The following WNK2 variants were observed in gnomAD, a reference collection of about 807,000 sequenced individuals.
WNK2 encodes WNK lysine deficient protein kinase 2.
A neutral mutation model predicts 192.1 loss-of-function variants in WNK2; 67 were observed. That is an observed-to-expected ratio of 0.35 (90% CI 0.29 to 0.43). The LOEUF is 0.43. WNK2 is among the 20% of genes least tolerant of loss of function. WNK2 has a pLI of 1.00. For synonymous variants in WNK2, 1,439 were observed against 1,393.9 expected, an observed-to-expected ratio of 1.03 and a Z score of -0.72; for missense variants, 2,698 against 3,089.7, an observed-to-expected ratio of 0.87 and a Z score of 3.01.
rs748583132 is a variant in WNK2 at position 93,247,710 on chromosome 9, C to T, written c.1710C>T (p.Pro570=). The part of the protein sequence containing the change: ...SPDKARGPPV[P]LQVQVTYHAQ... ...ACAAGGCCAGGGGTCCGCCGGTGCC[C>T]CTGCAGGTCCAGGTGACCTACCATG... is the stretch of plus-strand genomic sequence containing the variant. Residue 570 remains proline (P), a synonymous_variant, in exon 8 of 30, where the codon CCC becomes CCT. Transcript: ENST00000427277. The surrounding 1 kb of genome is among the most constrained non-coding windows in gnomAD (Gnocchi z 5.2). 41 of 1,562,150 alleles carry T rather than the reference C, an allele frequency of 2.6e-5. No homozygotes were observed. In the South Asian group the frequency reaches 4.1e-4, roughly 16 times the overall value.
At chr9:93,245,917 A>T (rs971632569) in intron 7 of WNK2, among the ~76,000 whole-genome samples, 1 of 152,172 alleles carries the variant, frequency 6.6e-6, no homozygotes, top group South Asian at 2.1e-4. Flanking sequence ...GGGCCTCTGC[A>T]TAGGGTCATT....
intron 19 of WNK2, 75 bp downstream of exon 19, chr9:93,268,821 G>A: frequency 6.3e-7 from 1 of 1,580,020 alleles, no homozygotes; most frequent in Non-Finnish European, 8.6e-7. Context: ...GACCCAGCCG[G>A]TATGTGCCCC....
At chr9:93,224,547 C>T (rs939954152) in intron 2 of WNK2, among the ~76,000 whole-genome samples, 2 of 152,244 alleles carry the variant, frequency 1.3e-5, no homozygotes, top group Non-Finnish European at 2.9e-5. Flanking sequence ...CCTTGAGGGG[C>T]TTTGCTGCCC....
In WNK2 at chr9:93,263,485, TC is replaced by T. The variant is rs1035377007; in HGVS notation, c.3411-79del. ...TTGGGCCCTGGAGACTCCAGACTGT[TC>T]CAGATAAGCTGACTTTCCCCGCCAT... is the stretch of plus-strand genomic sequence containing the variant. On this transcript the variant is annotated intron_variant, in intron 14 of 29. Transcript: ENST00000427277. 4.9e-5 allele frequency: 76 copies of T among 1,540,784 alleles called. No individual in the cohort carries two copies. The African/African-American group carries it at 9.1e-4, about 19-fold the overall frequency.
intron 2 of WNK2, among the ~76,000 whole-genome samples, chr9:93,227,667 T>TAATAACTTAAATAAATAACCAAAA (rs1167586333): frequency 3.3e-5 from 5 of 152,162 alleles, no homozygotes; most frequent in Non-Finnish European, 5.9e-5. Context: ...TTGACTTAAA[T>TAATAACTTAAATAAATAACCAAAA]AAATAACCAT....
intron 2 of WNK2, among the ~76,000 whole-genome samples, chr9:93,189,560 C>T (rs1480769429): frequency 6.6e-6 from 1 of 152,248 alleles, no homozygotes; most frequent in Non-Finnish European, 1.5e-5. Context: ...GTCCATCTTC[C>T]TGGGTCTGGG....
chr9:93,317,888 C>A, intron 29 of WNK2: 1 of 1,575,610 alleles, frequency 6.3e-7, no homozygotes. Context: ...GCCCTCGGAA[C>A]CGCCCGGAGA....
chr9:93,202,047 A>AG (rs1832465812), intron 2 of WNK2, among the ~76,000 whole-genome samples: 1 of 152,168 alleles, frequency 6.6e-6, no homozygotes, highest in Admixed American at 6.5e-5. Flanking sequence ...TGGAGGTCAC[A>AG]GGGGGGTCTC....
In WNK2 at chr9:93,231,303, C is replaced by T. The variant is rs559107372; in HGVS notation, c.1075+195C>T. Among the ~76,000 whole-genome samples, 16 of 152,350 alleles carry T rather than the reference C, an allele frequency of 1.1e-4. No homozygotes were observed. The South Asian group carries it at 2.7e-3, about 26-fold the overall frequency. On this transcript the variant is annotated intron_variant, in intron 4 of 29. Transcript: ENST00000427277. ...TTGTAGCTCAGCTGGAGGGCCTGCC[C>T]ACTCGTTGGATTCCCAGACCACTTG...
rs532456467 is a variant in WNK2 at position 93,242,801 on chromosome 9, A to T, written c.1542+2825A>T. ...TCCTGGGGCAGCTGTGCTGGCTCTGACCTTGCAGGGAGTTACCTCTATCCT... is the reference window on the plus strand; with the variant it reads ...TCCTGGGGCAGCTGTGCTGGCTCTGTCCTTGCAGGGAGTTACCTCTATCCT... On this transcript the variant is annotated intron_variant, in intron 7 of 29. Transcript: ENST00000427277. Among the ~76,000 whole-genome samples, 6 of 152,268 alleles carry T rather than the reference A, an allele frequency of 3.9e-5. No individual in the cohort carries two copies. The South Asian group carries it at 6.2e-4, about 16-fold the overall frequency.
chr9:93,229,897 G>T lies in WNK2; in HGVS notation c.854+29G>T. 1 of 1,606,386 alleles carries T rather than the reference G, an allele frequency of 6.2e-7. No homozygotes were observed. ...AGCTCCGCTTCCTGAGGGCTGGGGC[G>T]GGTCCTGGCATGGGTGCAGGGCTAC... On this transcript the variant is annotated intron_variant, in intron 3 of 29. Coordinates refer to ENST00000427277, the MANE Select transcript of WNK2 (RefSeq NM_006648.4). This position sits in a 1 kb window ranked among gnomAD's most constrained non-coding sequence, Gnocchi z 4.9.
intron 4 of WNK2, 69 bp from the exon 5 acceptor site, chr9:93,234,739 G>C (rs1301265529): frequency 1.3e-6 from 2 of 1,546,762 alleles, no homozygotes; most frequent in Non-Finnish European, 1.7e-6. Flanking sequence ...AAAGCTCCCG[G>C]GACACTGGCT....
chr9:93,311,920 G>A (rs145930536), intron 28 of WNK2, among the ~76,000 whole-genome samples: 1,768 of 152,198 alleles, frequency 0.012, 10 homozygotes, highest in Non-Finnish European at 0.019. Context: ...GTGCGCCACC[G>A]CGTTCAGCCA....
At chr9:93,317,732 C>T (rs983462433) in intron 29 of WNK2, 101 bp downstream of exon 29, 1 of 1,488,764 alleles carries the variant, frequency 6.7e-7, no homozygotes, top group Non-Finnish European at 9.1e-7. Flanking sequence ...CCTGGGCAGG[C>T]CAGGTGGGCC....
chr9:93,226,009 G>A (rs963645130), intron 2 of WNK2, among the ~76,000 whole-genome samples: 4 of 152,190 alleles, frequency 2.6e-5, no homozygotes, highest in Non-Finnish European at 5.9e-5. Context: ...TGCATGGGAA[G>A]TTAACTTTCA....
At chr9:93,205,354 G>A (rs1210103586) in intron 2 of WNK2, among the ~76,000 whole-genome samples, 1 of 152,200 alleles carries the variant, frequency 6.6e-6, no homozygotes, top group Non-Finnish European at 1.5e-5. Flanking sequence ...CAGCCTATGT[G>A]CAGGTGGGAG....
rs1263947951 is a variant in WNK2, at chr9:93,250,821, G to C, written c.1835-2062G>C. On this transcript the variant is annotated intron_variant, in intron 8 of 29. Coordinates refer to ENST00000427277, the MANE Select transcript of WNK2 (RefSeq NM_006648.4). ...TTTTTTTGAGACGGAGTCTCGCTCTGTCACCCAGTCTGGAGTGTGGTGGCG... is the reference window on the plus strand; with the variant it reads ...TTTTTTTGAGACGGAGTCTCGCTCTCTCACCCAGTCTGGAGTGTGGTGGCG... Among the ~76,000 whole-genome samples, 11 of 121,286 alleles carry C rather than the reference G, an allele frequency of 9.1e-5. 1 individual carries two copies. The highest frequency in any genetic ancestry group is 1.6e-5 in the Non-Finnish European group (1 of 63,502). 79.6% of individuals were successfully genotyped at this position (121,286 alleles called of 152,430 possible).
In WNK2 at chr9:93,292,959, G is replaced by A. The variant is rs368424323; in HGVS notation, c.5494G>A (p.Val1832Met). The A allele has an allele frequency of 1.2e-5, 18 of 1,536,902 alleles. No individual in the cohort carries two copies. The highest frequency in any genetic ancestry group is 5.0e-5 in the South Asian group (4 of 80,624). Residue 1832 changes from valine to methionine, a missense_variant, in exon 23 of 30, where the codon GTG becomes ATG. Physicochemically the swap from Val to Met is conservative, Grantham distance 21. This residue lies in a region of WNK2 where 1,098 missense variants were observed against 1,101.0 expected (regional missense o/e 1.00). Coordinates refer to ENST00000427277, the MANE Select transcript of WNK2 (RefSeq NM_006648.4). ...GGCGTCCCTGCCCGTGAGTGGCAGC[G>A]TGGCTGGCGACTTCGTGAAGAAGGC... ...KQASLPVSGS[V>M]AGDFVKKATA...
chr9:93,214,662 G>A (rs2131624252), intron 2 of WNK2, among the ~76,000 whole-genome samples: 1 of 147,762 alleles, frequency 6.8e-6, no homozygotes, highest in South Asian at 2.2e-4. Context: ...GTTGAGGTCA[G>A]CTGTCAGTCT....
Sources: allele counts gnomAD v4.1 joint callset (sites outside exome capture counted in the v4.1 genomes callset), GRCh38; gene constraint gnomAD v4.1.1; regional missense constraint gnomAD v4.1.1; non-coding constraint Gnocchi (gnomAD v3.1); transcripts MANE v1.5; gene names NCBI Gene and HGNC (gene_info 2026-07-23, HGNC 2026-07-21).